DYNC1H1: variants seen among roughly 807,000 people sequenced by gnomAD.
The protein encoded by DYNC1H1 is dynein cytoplasmic 1 heavy chain 1, also known as cytoplasmic dynein 1 heavy chain 1.
Under a neutral mutation model 527.1 loss-of-function variants are expected in DYNC1H1, and 51 were observed. That is an observed-to-expected ratio of 0.10 (90% CI 0.08 to 0.12). DYNC1H1 has a LOEUF of 0.12. DYNC1H1 is among the 10% of genes least tolerant of loss of function. The pLI is 1.00. For synonymous variants in DYNC1H1, 2,189 were observed against 2,278.8 expected (o/e 0.96, Z 1.12); for missense variants, 2,771 against 5,971.8 (o/e 0.46, Z 17.66).
At chr14:102,046,097 G>T (rs528768344) in intron 72 of DYNC1H1, among the ~76,000 whole-genome samples, 3 of 152,060 alleles carry the variant, frequency 2.0e-5, no homozygotes, top group African/African-American at 4.8e-5. Flanking sequence ...GAACCCGGGA[G>T]GGGGAGCTTG....
In DYNC1H1 at chr14:102,054,500, CCCCAACCGCCAGGGCCA is replaced by C. The variant is rs1237012541; in HGVS notation, c.*3943_*3959del. 1 of 152,322 alleles carries C rather than the reference CCCCAACCGCCAGGGCCA, an allele frequency of 6.6e-6. No individual in the cohort carries two copies. Among genetic ancestry groups the C allele is most frequent in the East Asian group, 1.9e-4 (1 of 5,204 alleles). The allele number at this position is 152,322 out of a possible 1,614,324, so 9.4% of individuals were successfully genotyped here. ...AGCAGTGGCAGGTGGCACAGCCCAC[CCCCAACCGCCAGGGCCA>C]CCCAAACACCAGTTACAACACCATC... On this transcript the variant is annotated 3_prime_UTR_variant, in exon 78 of 78. Coordinates refer to ENST00000360184, the MANE Select transcript of DYNC1H1 (RefSeq NM_001376.5).
Position 101,986,646 on chromosome 14 carries a change from C to T in DYNC1H1, c.2421C>T (p.Gly807=), listed in dbSNP as rs2047940446. 1 of 1,612,924 alleles carries T rather than the reference C, an allele frequency of 6.2e-7. No homozygotes were observed. ...ACACCATTTCCCTTTTGGTGGCTGG[C>T]TTGAAAAAGGAAGTGCAGGCCCTGA... ...ERNTISLLVA[G]LKKEVQALIA... Residue 807 remains glycine (G), a synonymous_variant, in exon 8 of 78, where the codon GGC becomes GGT. Coordinates refer to ENST00000360184, the MANE Select transcript of DYNC1H1 (RefSeq NM_001376.5). This position sits in a 1 kb window ranked among gnomAD's most constrained non-coding sequence, Gnocchi z 8.7.
In DYNC1H1 at chr14:102,041,930, C is replaced by A; in HGVS notation, c.12103-83C>A. On this transcript the variant is annotated intron_variant, in intron 65 of 77. Transcript: ENST00000360184. This position sits in a 1 kb window ranked among gnomAD's most constrained non-coding sequence, Gnocchi z 4.5. ...GCCCAGAAAGAACATCTTCTCAGGCCCCTCACTCGGGGCTCTCCTTTCCCT... is the reference window on the plus strand; with the variant it reads ...GCCCAGAAAGAACATCTTCTCAGGCACCTCACTCGGGGCTCTCCTTTCCCT... 6.5e-7 allele frequency: 1 copy of A among 1,533,220 alleles called. No homozygotes were observed. The highest frequency in any genetic ancestry group is 9.0e-7 in the Non-Finnish European group (1 of 1,113,974). 95.0% of individuals were successfully genotyped at this position (1,533,220 alleles called of 1,614,324 possible). A position where few individuals can be genotyped will look rare whatever the true frequency, so the allele number is the denominator to read the frequency against.
intron 29 of DYNC1H1, among the ~76,000 whole-genome samples, 193 bp downstream of exon 29, chr14:102,008,530 G>A (rs1001836280): frequency 2.0e-5 from 3 of 152,200 alleles, no homozygotes; most frequent in Admixed American, 1.3e-4. Flanking sequence ...GCTCACGTGT[G>A]TAATCCCAGC....
At chr14:101,994,132 A>G (rs2048029170) in intron 11 of DYNC1H1, 52 bp from the exon 12 acceptor site, 7 of 1,613,712 alleles carry the variant, frequency 4.3e-6, no homozygotes, top group Non-Finnish European at 5.1e-6. Flanking sequence ...TGACACTTAG[A>G]TTACCATTTT....
At position 101,998,905 on chromosome 14, in the gene DYNC1H1, G is replaced by A. The variant is rs560773239; in HGVS notation, c.3805-1084G>A. 7.8e-3 allele frequency among the ~76,000 whole-genome samples: 705 copies of A among 90,820 alleles called. 9 individuals carry two copies. Among genetic ancestry groups the A allele is most frequent in the African/African-American group, 0.047 (673 of 14,436 alleles). 59.6% of individuals were successfully genotyped at this position (90,820 alleles called of 152,430 possible). The stretch of plus-strand genomic sequence containing the variant: ...TTTTTTTTTTTTTTTTTTTTGAGAC[G>A]GAGTCTTGCTCTGTCTCCCAGGCTG... On this transcript the variant is annotated intron_variant, in intron 16 of 77. Transcript: ENST00000360184.
intron 43 of DYNC1H1, chr14:102,023,224 A>C (rs1343390960): frequency 1.1e-5 from 4 of 364,104 alleles, no homozygotes; most frequent in Non-Finnish European, 2.1e-5. Flanking sequence ...CCTGGGTAAA[A>C]GAGCAAAACC....
chr14:102,028,332 C>T (rs1431004602), intron 48 of DYNC1H1, 191 bp downstream of exon 48: 5 of 603,834 alleles, frequency 8.3e-6, no homozygotes, highest in South Asian at 1.8e-5. Flanking sequence ...GGCAACATGG[C>T]GAGACCCCAT....
In DYNC1H1 at chr14:102,004,888, A is replaced by G; in HGVS notation, c.5176A>G (p.Ile1726Val). The G allele has an allele frequency of 6.2e-7, 1 of 1,614,214 alleles. No homozygotes were observed. Among genetic ancestry groups the G allele is most frequent in the South Asian group, 1.1e-5 (1 of 91,086 alleles). Residue 1726 changes from isoleucine (I) to valine (V), a missense_variant, in exon 25 of 78, where the codon ATT becomes GTT. Transcript: ENST00000360184. ...LLAESVTEVE[I>V]FGKATSIDPN... ...TGCTGAGTCTGTTACGGAAGTTGAG[A>G]TTTTTGGTAAAGCAACTTCAATTGA... is the stretch of plus-strand genomic sequence containing the variant.
At chr14:102,026,074 C>T (rs2048446872) in intron 43 of DYNC1H1, among the ~76,000 whole-genome samples, 1 of 148,916 alleles carries the variant, frequency 6.7e-6, no homozygotes, top group African/African-American at 2.5e-5. Flanking sequence ...GAGATCGTGC[C>T]ACAGCACTCC....
chr14:102,027,640 G>C lies in DYNC1H1; in HGVS notation c.9070G>C (p.Asp3024His). 1 of 1,614,152 alleles carries C rather than the reference G, an allele frequency of 6.2e-7. No individual in the cohort carries two copies. The highest frequency in any genetic ancestry group is 8.5e-7 in the Non-Finnish European group (1 of 1,180,028). ...NGEVPGLFEGDEYATLMTQCK... is the reference protein window; with the variant it reads ...NGEVPGLFEGHEYATLMTQCK... ...CCAGGTGCCTGGTCTCTTTGAAGGA[G>C]ACGAGTATGCCACCTTGATGACGCA... Residue 3024 changes from aspartate to histidine, a missense_variant, in exon 47 of 78, where the codon GAC becomes CAC. This residue lies in a region of DYNC1H1 where 84 missense variants were observed against 285.4 expected (regional missense o/e 0.29). Coordinates refer to ENST00000360184, the MANE Select transcript of DYNC1H1 (RefSeq NM_001376.5). The surrounding 1 kb of genome is among the most constrained non-coding windows in gnomAD (Gnocchi z 7.7).
rs2152592010 is a variant in DYNC1H1 at position 102,033,806 on chromosome 14, C to T, written c.10414-170C>T. The T allele has an allele frequency of 2.7e-6, 2 of 749,962 alleles. No individual in the cohort carries two copies. Among genetic ancestry groups the T allele is most frequent in the African/African-American group, 1.7e-5 (1 of 57,742 alleles). 46.5% of individuals were successfully genotyped at this position (749,962 alleles called of 1,614,324 possible). A position where few individuals can be genotyped will look rare whatever the true frequency, so the allele number is the denominator to read the frequency against. On this transcript the variant is annotated intron_variant, in intron 54 of 77. Transcript: ENST00000360184. The surrounding 1 kb of genome is among the most constrained non-coding windows in gnomAD (Gnocchi z 5.6). ...GCTGAGATTCTGAGTCGTGTGTGGT[C>T]ATTAGTTATATATGATCTGGGTCTC...
At position 102,050,510 on chromosome 14, in the gene DYNC1H1, G is replaced by A. The variant is rs910511556; in HGVS notation, c.13888G>A (p.Glu4630Lys). ...CGTGGACTTCGAAATTGCTACAAAG[G>A]AGGATCCTCGCAGCTTCTACGAGCG... is the stretch of plus-strand genomic sequence containing the variant. ...FTVDFEIATK[E>K]DPRSFYERGV... is the part of the protein sequence containing the mutation. The change falls in exon 78 of 78, where the codon GAG becomes AAG. Residue 4630 changes from glutamate to lysine, a missense_variant. Glu to Lys is a moderately conservative substitution (Grantham distance 56). Around this residue, in one of 32 missense-constraint regions of DYNC1H1, gnomAD observed 106 missense variants for 139.2 expected, o/e 0.76. Transcript: ENST00000360184. 6.2e-7 allele frequency: 1 copy of A among 1,614,098 alleles called. No individual in the cohort carries two copies. Among genetic ancestry groups the A allele is most frequent in the Non-Finnish European group, 8.5e-7 (1 of 1,180,022 alleles).
chr14:101,982,823 C>T (rs1027317967), intron 5 of DYNC1H1, among the ~76,000 whole-genome samples, 196 bp from the exon 6 acceptor site: 1 of 152,100 alleles, frequency 6.6e-6, no homozygotes, highest in African/African-American at 2.4e-5. Context: ...GGAATTGACT[C>T]ATACTCTTAA....
At position 102,049,399 on chromosome 14, in the gene DYNC1H1, G is replaced by T. The variant is rs368196546; in HGVS notation, c.13373-41G>T. 15 of 1,612,798 alleles carry T rather than the reference G, an allele frequency of 9.3e-6. No individual in the cohort carries two copies. The highest frequency in any genetic ancestry group is 1.3e-5 in the Non-Finnish European group (15 of 1,180,010). The stretch of plus-strand genomic sequence containing the variant: ...TTGTTCCATCTGTGCTGGGGGAGTT[G>T]TGAGAGCTGACACCCTGGGCTCTGT... On this transcript the variant is annotated intron_variant, in intron 74 of 77. Coordinates refer to ENST00000360184, the MANE Select transcript of DYNC1H1 (RefSeq NM_001376.5). The surrounding 1 kb of genome is among the most constrained non-coding windows in gnomAD (Gnocchi z 5.5).
At chr14:102,037,297 A>C (rs772891850) in intron 57 of DYNC1H1, 1 of 151,964 alleles carries the variant, frequency 6.6e-6, no homozygotes, top group Non-Finnish European at 1.5e-5. Flanking sequence ...GGCGATGCAC[A>C]CCTGTAGTCC....
chr14:102,047,661 ATATG>A, intron 72 of DYNC1H1, 152 bp from the exon 73 acceptor site: 4 of 587,654 alleles, frequency 6.8e-6, no homozygotes, highest in Admixed American at 2.3e-5. Context: ...ATATATATAT[ATATG>A]TACACACGGC....
At chr14:101,989,954 C>G (rs1383316141) in intron 10 of DYNC1H1, among the ~76,000 whole-genome samples, 1 of 152,178 alleles carries the variant, frequency 6.6e-6, no homozygotes. Context: ...AAATACTTAC[C>G]ATTGTGTTCC....
In DYNC1H1 at chr14:102,012,558, T is replaced by C. The variant is rs2048270355; in HGVS notation, c.7014+88T>C. On this transcript the variant is annotated intron_variant, in intron 34 of 77. Transcript: ENST00000360184. The surrounding 1 kb of genome is among the most constrained non-coding windows in gnomAD (Gnocchi z 4.9). ...CTAGCTAAGTGCAGCTCTGGAGTCA[T>C]GGACCCAGATTCCATGGAGTAGTGA... The C allele has an allele frequency of 6.4e-7, 1 of 1,552,636 alleles. No homozygotes were observed. Among genetic ancestry groups the C allele is most frequent in the South Asian group, 1.1e-5 (1 of 89,654 alleles).
Sources: allele counts gnomAD v4.1 joint callset (sites outside exome capture counted in the v4.1 genomes callset), GRCh38; gene constraint gnomAD v4.1.1; regional missense constraint gnomAD v4.1.1; non-coding constraint Gnocchi (gnomAD v3.1); transcripts MANE v1.5; gene names NCBI Gene and HGNC (gene_info 2026-07-23, HGNC 2026-07-21).